Variants in RIT2 observed in about 807,000 individuals in gnomAD.
RIT2 encodes the protein GTP-binding protein Rit2.
Under a neutral mutation model 23.7 loss-of-function variants are expected in RIT2, and 24 were observed. The ratio of observed to expected loss-of-function variants is 1.01; its 90% CI spans 0.73 to 1.43. The LOEUF (loss-of-function observed/expected upper bound fraction) is 1.43, where lower values mean the gene tolerates loss of function less well. Ranked by LOEUF, RIT2 falls within the 40% of genes most tolerant of loss-of-function variation. RIT2 has a pLI of 0.00. For missense variants in RIT2, 236 were observed against 266.9 expected, an observed-to-expected ratio of 0.88 and a Z score of 0.81; for synonymous variants, 107 against 91.1, an observed-to-expected ratio of 1.17 and a Z score of -0.99.
intron 4 of RIT2, among the ~76,000 whole-genome samples, chr18:42,835,120 T>G (rs1394334760): frequency 6.6e-6 from 1 of 152,134 alleles, no homozygotes; most frequent in African/African-American, 2.4e-5. Flanking sequence ...GAGTAAGATT[T>G]CAGGTCAAAA....
At chr18:42,819,256 CAA>C (rs1392657607) in intron 4 of RIT2, among the ~76,000 whole-genome samples, 1 of 152,036 alleles carries the variant, frequency 6.6e-6, no homozygotes, top group Admixed American at 6.6e-5. Context: ...TATGCAAAAA[CAA>C]TGTAAATGCC....
At chr18:43,040,496 C>T (rs1912102661) in intron 1 of RIT2, among the ~76,000 whole-genome samples, 1 of 152,126 alleles carries the variant, frequency 6.6e-6, no homozygotes. Context: ...CAAGTGGTCT[C>T]TCAGCCCTCA....
chr18:42,978,531 T>C (rs561567617), intron 2 of RIT2, among the ~76,000 whole-genome samples: 1 of 152,240 alleles, frequency 6.6e-6, no homozygotes, highest in South Asian at 2.1e-4. Context: ...ATTTCAATCA[T>C]CTGCCTATAG....
At chr18:42,918,505 T>C (rs1908970834) in intron 4 of RIT2, among the ~76,000 whole-genome samples, 1 of 152,118 alleles carries the variant, frequency 6.6e-6, no homozygotes, top group Admixed American at 6.6e-5. Context: ...CTTCAAAAAA[T>C]AAGCCCTCAT....
intron 2 of RIT2, among the ~76,000 whole-genome samples, chr18:42,994,347 C>T (rs1910927555): frequency 6.6e-6 from 1 of 152,142 alleles, no homozygotes; most frequent in African/African-American, 2.4e-5. Flanking sequence ...GCTCTCCCTG[C>T]CGATCGTGTC....
chr18:42,977,063 G>C (rs1303923708), intron 2 of RIT2, among the ~76,000 whole-genome samples: 1 of 151,976 alleles, frequency 6.6e-6, no homozygotes, highest in South Asian at 2.1e-4. Flanking sequence ...GATAACCACA[G>C]GTTTAATTTT....
At chr18:42,954,091 C>T (rs957758807) in intron 3 of RIT2, among the ~76,000 whole-genome samples, 2 of 152,028 alleles carry the variant, frequency 1.3e-5, no homozygotes, top group African/African-American at 4.8e-5. Flanking sequence ...TTTTAAAATA[C>T]AGTAAATTGG....
chr18:43,078,332 C>A (rs1913073176), intron 1 of RIT2, among the ~76,000 whole-genome samples: 1 of 152,138 alleles, frequency 6.6e-6, no homozygotes, highest in Non-Finnish European at 1.5e-5. Flanking sequence ...GCATTCTTGC[C>A]ACTGTACTTT....
chr18:42,865,410 C>T (rs1222018998), intron 4 of RIT2, among the ~76,000 whole-genome samples: 1 of 152,174 alleles, frequency 6.6e-6, no homozygotes, highest in Non-Finnish European at 1.5e-5. Flanking sequence ...GTGGCCTTCA[C>T]ATGGTATATT....
intron 4 of RIT2, among the ~76,000 whole-genome samples, 197 bp from the exon 5 acceptor site, chr18:42,743,917 C>T (rs1432755568): frequency 1.3e-5 from 2 of 152,114 alleles, no homozygotes; most frequent in African/African-American, 4.8e-5. Context: ...CCCTGCCCCG[C>T]CTTAACTGAT....
chr18:42,834,939 A>G (rs1906556497), intron 4 of RIT2, among the ~76,000 whole-genome samples: 1 of 152,192 alleles, frequency 6.6e-6, no homozygotes, highest in South Asian at 2.1e-4. Context: ...ATGCAAGCAC[A>G]GAACAAAATT....
chr18:42,799,245 A>G (rs1204971200), intron 4 of RIT2, among the ~76,000 whole-genome samples: 1 of 152,224 alleles, frequency 6.6e-6, no homozygotes, highest in East Asian at 1.9e-4. Flanking sequence ...AAGTTGCAAT[A>G]TAAGTAGCTA....
intron 4 of RIT2, among the ~76,000 whole-genome samples, chr18:42,854,060 A>G (rs2144040201): frequency 6.6e-6 from 1 of 152,310 alleles, no homozygotes; most frequent in South Asian, 2.1e-4. Flanking sequence ...TTAGTAATTC[A>G]TTGTTTAACT....
chr18:42,929,061 A>ATATATATATATATATATG (rs1568032670), intron 3 of RIT2, among the ~76,000 whole-genome samples: 1 of 146,624 alleles, frequency 6.8e-6, no homozygotes, highest in Non-Finnish European at 1.5e-5. Context: ...ATATATATTT[A>ATATATATATATATATATG]TATGAGACAA....
chr18:42,880,999 T>A (rs1907878433), intron 4 of RIT2, among the ~76,000 whole-genome samples: 1 of 151,894 alleles, frequency 6.6e-6, no homozygotes, highest in Non-Finnish European at 1.5e-5. Context: ...AGAGACAGGG[T>A]TTCTCCATGT....
intron 1 of RIT2, among the ~76,000 whole-genome samples, chr18:43,075,822 T>C (rs1401996334): frequency 2.0e-5 from 3 of 152,248 alleles, no homozygotes; most frequent in East Asian, 1.9e-4. Flanking sequence ...TGCCCTTGCC[T>C]TTTTCAAGCT....
At chr18:42,747,383 G>T (rs1391400732) in intron 4 of RIT2, among the ~76,000 whole-genome samples, 1 of 152,064 alleles carries the variant, frequency 6.6e-6, no homozygotes, top group African/African-American at 2.4e-5. Context: ...ACAGAACACT[G>T]TTCAAAGAAA....
intron 4 of RIT2, among the ~76,000 whole-genome samples, chr18:42,840,040 T>C: frequency 6.6e-6 from 1 of 152,234 alleles, no homozygotes; most frequent in Non-Finnish European, 1.5e-5. Flanking sequence ...AAAGGTTGAA[T>C]GTACACTCTT....
At chr18:42,929,484 CT>C (rs1399021897) in intron 3 of RIT2, among the ~76,000 whole-genome samples, 1 of 152,000 alleles carries the variant, frequency 6.6e-6, no homozygotes. Context: ...TATTTAAAAT[CT>C]TTTTAGTTTA....
Sources: gnomAD v4.1 joint callset for allele counts (sites outside exome capture counted in the v4.1 genomes callset) on GRCh38, gnomAD v4.1.1 for gene constraint, MANE v1.5 for transcripts, NCBI Gene and HGNC (gene_info 2026-07-23, HGNC 2026-07-21) for gene names.